The following MLLT3 variants were observed in gnomAD, a reference collection of about 807,000 sequenced individuals.
MLLT3 encodes protein AF-9.
Under a neutral mutation model 53.2 loss-of-function variants are expected in MLLT3, and 4 were observed. The observed-to-expected ratio is 0.08, with a 90% CI of 0.04 to 0.17. The LOEUF (loss-of-function observed/expected upper bound fraction) is 0.17, where lower values mean the gene tolerates loss of function less well. Ranked by LOEUF, MLLT3 falls within the 10% of genes least tolerant of loss-of-function variation. MLLT3 has a pLI of 1.00. For missense variants in MLLT3, 569 were observed against 684.0 expected, an observed-to-expected ratio of 0.83 and a Z score of 1.87; for synonymous variants, 283 against 230.6, an observed-to-expected ratio of 1.23 and a Z score of -2.06.
At chr9:20,612,854 C>G (rs898592892) in intron 2 of MLLT3, among the ~76,000 whole-genome samples, 1 of 152,070 alleles carries the variant, frequency 6.6e-6, no homozygotes, top group South Asian at 2.1e-4. Context: ...TATAAACTGT[C>G]AGAACCACTT....
intron 2 of MLLT3, among the ~76,000 whole-genome samples, chr9:20,514,722 T>C (rs1048535568): frequency 6.6e-6 from 1 of 152,082 alleles, no homozygotes; most frequent in Non-Finnish European, 1.5e-5. Context: ...TAGGGCTTTA[T>C]TTGTTGGGCT....
chr9:20,374,444 G>C (rs560131864), intron 5 of MLLT3, among the ~76,000 whole-genome samples: 1 of 152,296 alleles, frequency 6.6e-6, no homozygotes, highest in East Asian at 1.9e-4. Flanking sequence ...CATTAGATGA[G>C]TGAAATCTAT....
intron 4 of MLLT3, among the ~76,000 whole-genome samples, chr9:20,430,052 A>G (rs1207524560): frequency 6.6e-6 from 1 of 152,188 alleles, no homozygotes; most frequent in African/African-American, 2.4e-5. Flanking sequence ...TAGAAGTCAT[A>G]TCAATATCCT....
chr9:20,540,624 G>T (rs1198457913), intron 2 of MLLT3, among the ~76,000 whole-genome samples: 2 of 152,214 alleles, frequency 1.3e-5, no homozygotes, highest in Admixed American at 6.5e-5. Context: ...ATGTCTTAAG[G>T]CTGCACAAAG....
intron 5 of MLLT3, among the ~76,000 whole-genome samples, chr9:20,394,087 C>T (rs924318057): frequency 1.3e-4 from 20 of 152,112 alleles, no homozygotes; most frequent in Non-Finnish European, 2.8e-4. Flanking sequence ...AGGAAAATGA[C>T]TCATATGCAG....
At chr9:20,572,649 C>G (rs1819558810) in intron 2 of MLLT3, among the ~76,000 whole-genome samples, 1 of 152,082 alleles carries the variant, frequency 6.6e-6, no homozygotes, top group African/African-American at 2.4e-5. Flanking sequence ...TAAAAATTAG[C>G]TGGATGTGAT....
intron 5 of MLLT3, among the ~76,000 whole-genome samples, chr9:20,382,192 G>C (rs1226334955): frequency 6.6e-6 from 1 of 151,684 alleles, no homozygotes; most frequent in Non-Finnish European, 1.5e-5. Flanking sequence ...AGATTTTCCT[G>C]AATTTTTCTA....
intron 2 of MLLT3, among the ~76,000 whole-genome samples, chr9:20,597,780 T>A (rs1820314929): frequency 6.6e-6 from 1 of 151,986 alleles, no homozygotes; most frequent in African/African-American, 2.4e-5. Context: ...ATAAAAGGAG[T>A]AAGAGATTAC....
Position 20,492,978 on chromosome 9 carries a change from T to C in MLLT3, c.194-36192A>G, listed in dbSNP as rs912087835. 4.6e-5 allele frequency among the ~76,000 whole-genome samples: 7 copies of C among 151,930 alleles called. 1 individual carries two copies. Among genetic ancestry groups the C allele is most frequent in the Admixed American group, 4.6e-4 (7 of 15,252 alleles). ...CTTACCTTTAAATATTGGCCAAGAATGAATGTCACAAGTCAGTTTACAGAC... is the reference window on the plus strand; with the variant it reads ...CTTACCTTTAAATATTGGCCAAGAACGAATGTCACAAGTCAGTTTACAGAC... On this transcript the variant is annotated intron_variant, in intron 2 of 10. Coordinates refer to ENST00000380338, the MANE Select transcript of MLLT3 (RefSeq NM_004529.4).
At chr9:20,492,476 G>C (rs1462189584) in intron 2 of MLLT3, among the ~76,000 whole-genome samples, 1 of 151,798 alleles carries the variant, frequency 6.6e-6, no homozygotes, top group Non-Finnish European at 1.5e-5. Flanking sequence ...AGTTTAAAAT[G>C]AACTCAAGAG....
Position 20,344,906 on chromosome 9 carries a change from A to AAG in MLLT3, c.*1535_*1536dup, listed in dbSNP as rs1383421620. The AAG allele has an allele frequency of 1.4e-5, 3 of 213,162 alleles. No individual in the cohort carries two copies. The highest frequency in any genetic ancestry group is 2.8e-5 in the Non-Finnish European group (3 of 105,536). The allele number at this position is 213,162 out of a possible 1,614,324, so 13.2% of individuals were successfully genotyped here. ...TATTAGCACACATAGAGACTTTCTT[A>AAG]AGGCTGATCCAGTGACGAACCTTTG... is the stretch of plus-strand genomic sequence containing the variant. On this transcript the variant is annotated 3_prime_UTR_variant, in exon 11 of 11. Coordinates refer to ENST00000380338, the MANE Select transcript of MLLT3 (RefSeq NM_004529.4).
intron 2 of MLLT3, among the ~76,000 whole-genome samples, chr9:20,510,955 C>T (rs1156942466): frequency 6.6e-6 from 1 of 152,082 alleles, no homozygotes; most frequent in Non-Finnish European, 1.5e-5. Flanking sequence ...AAATAAATCA[C>T]ATTTGGTTCT....
At chr9:20,350,450 C>T (rs1297967921) in intron 10 of MLLT3, among the ~76,000 whole-genome samples, 4 of 151,538 alleles carry the variant, frequency 2.6e-5, no homozygotes, top group South Asian at 2.1e-4. Context: ...AAAAAATTAG[C>T]CGGGCGTGGT....
At chr9:20,582,519 T>G (rs1164630262) in intron 2 of MLLT3, among the ~76,000 whole-genome samples, 1 of 152,180 alleles carries the variant, frequency 6.6e-6, no homozygotes, top group East Asian at 1.9e-4. Flanking sequence ...TTGGCTTCTT[T>G]CAATTGGCAA....
chr9:20,563,860 G>A (rs1819282244), intron 2 of MLLT3, among the ~76,000 whole-genome samples: 1 of 152,060 alleles, frequency 6.6e-6, no homozygotes, highest in Non-Finnish European at 1.5e-5. Context: ...ATCTGTAAAA[G>A]AAGAAAAAGA....
intron 2 of MLLT3, among the ~76,000 whole-genome samples, chr9:20,519,220 G>C (rs1817994896): frequency 6.6e-6 from 1 of 152,010 alleles, no homozygotes; most frequent in Non-Finnish European, 1.5e-5. Context: ...TCTGAATAAA[G>C]TCTGGAAATT....
chr9:20,485,589 C>T (rs556033505), intron 2 of MLLT3, among the ~76,000 whole-genome samples: 2 of 152,236 alleles, frequency 1.3e-5, no homozygotes, highest in Admixed American at 1.3e-4. Context: ...GAAATGTCAC[C>T]ACCATAATAA....
At chr9:20,613,234 T>C (rs1443844290) in intron 2 of MLLT3, among the ~76,000 whole-genome samples, 1 of 152,176 alleles carries the variant, frequency 6.6e-6, no homozygotes. Context: ...CACAACCTTA[T>C]GAATATACTA....
At chr9:20,417,778 G>A (rs1476950721) in intron 4 of MLLT3, among the ~76,000 whole-genome samples, 1 of 152,116 alleles carries the variant, frequency 6.6e-6, no homozygotes, top group African/African-American at 2.4e-5. Flanking sequence ...TATCTTTAAT[G>A]TTTAATCTCT....
Sources: allele counts gnomAD v4.1 joint callset (sites outside exome capture counted in the v4.1 genomes callset), GRCh38; gene constraint gnomAD v4.1.1; transcripts MANE v1.5; gene names NCBI Gene and HGNC (gene_info 2026-07-23, HGNC 2026-07-21).